Variants in OPCML observed in about 807,000 individuals in gnomAD.
OPCML encodes opioid-binding protein/cell adhesion molecule.
Under a neutral mutation model 37.8 loss-of-function variants are expected in OPCML, and 13 were observed. The ratio of observed to expected loss-of-function variants is 0.34; its 90% confidence interval spans 0.22 to 0.55. The LOEUF (loss-of-function observed/expected upper bound fraction) is 0.55. Among genes scored for constraint, OPCML ranks in the 20% least tolerant of loss-of-function variants. The probability of loss-of-function intolerance (pLI) is 0.91; values close to 1 mark genes in which losing one functional copy is unlikely to be tolerated. For synonymous variants in OPCML, 176 were observed against 168.8 expected (o/e 1.04, Z -0.33); for missense variants, 341 against 435.6 (o/e 0.78, Z 1.93).
intron 2 of OPCML, among the ~76,000 whole-genome samples, chr11:132,864,062 C>T (rs922544254): frequency 2.6e-5 from 4 of 152,084 alleles, no homozygotes; most frequent in Admixed American, 2.6e-4. Context: ...CTCAGCTTCC[C>T]GAGTAGCTGG....
chr11:133,034,322 T>TGTGTGTGC lies in OPCML; in HGVS notation c.62-91313_62-91312insGCACACAC, dbSNP rs1440439892. Among the ~76,000 whole-genome samples, 3 of 151,516 alleles carry TGTGTGTGC rather than the reference T, an allele frequency of 2.0e-5. No individual in the cohort carries two copies. In the East Asian group the frequency reaches 5.8e-4, roughly 29 times the overall value. ...CTGTATGTATAGGTGTGTGTGTGTGTGTGTGTGTGTGTGTGTGTGACAGAC... is the reference window on the plus strand; with the variant it reads ...CTGTATGTATAGGTGTGTGTGTGTGTGTGTGTGCGTGTGTGTGTGTGTGTGTGACAGAC... On this transcript the variant is annotated intron_variant, in intron 1 of 7. Coordinates refer to ENST00000524381, the MANE Select transcript of OPCML (RefSeq NM_001012393.5).
rs1250278319 is a variant in OPCML, at chr11:133,006,524, C to T, written c.62-63514G>A. On this transcript the variant is annotated intron_variant, in intron 1 of 7. Coordinates refer to ENST00000524381, the MANE Select transcript of OPCML (RefSeq NM_001012393.5). ...ATCATAACTTGTTTTTCAGTTACCC[C>T]AATTGTAACTAATAACTCGGGAACT... 11 of 985,208 alleles carry T rather than the reference C, an allele frequency of 1.1e-5. No individual in the cohort carries two copies. The South Asian group carries it at 3.8e-4, about 34-fold the overall frequency. The allele number at this position is 985,208 out of a possible 1,614,324, so 61.0% of individuals were successfully genotyped here. A position where few individuals can be genotyped will look rare whatever the true frequency, so the allele number is the denominator to read the frequency against.
At chr11:133,499,829 T>A in intron 1 of OPCML, among the ~76,000 whole-genome samples, 1 of 141,756 alleles carries the variant, frequency 7.1e-6, no homozygotes, top group South Asian at 2.1e-4. Context: ...TACACACATA[T>A]ATATGTGTAT....
intron 1 of OPCML, among the ~76,000 whole-genome samples, chr11:133,335,091 T>C (rs1373773152): frequency 6.6e-6 from 1 of 152,228 alleles, no homozygotes; most frequent in African/African-American, 2.4e-5. Flanking sequence ...CCCTGAACTT[T>C]GCTCTCTACA....
rs1462133566 is a variant in OPCML, at chr11:132,561,461, C to T, written c.380-32275G>A. ...GCTCTGCTCCCACATGTGCCCCTGA[C>T]ACCATGTTTGTCTGCCATCCCCACT... On this transcript the variant is annotated intron_variant, in intron 3 of 7. Transcript: ENST00000524381. 2.6e-5 allele frequency among the ~76,000 whole-genome samples: 4 copies of T among 152,208 alleles called. No individual in the cohort carries two copies. The South Asian group carries it at 6.2e-4, about 24-fold the overall frequency.
chr11:133,288,723 G>GT (rs1286889759), intron 1 of OPCML, among the ~76,000 whole-genome samples: 2 of 152,132 alleles, frequency 1.3e-5, no homozygotes, highest in Non-Finnish European at 2.9e-5. Context: ...GGTTTTGTTT[G>GT]TTTGTTTTTG....
At chr11:132,992,414 T>C (rs1946799675) in intron 1 of OPCML, among the ~76,000 whole-genome samples, 1 of 152,198 alleles carries the variant, frequency 6.6e-6, no homozygotes, top group Non-Finnish European at 1.5e-5. Context: ...GTCTCCATTT[T>C]TATTCATTGA....
chr11:132,517,057 C>T (rs2096281590), intron 4 of OPCML, among the ~76,000 whole-genome samples: 1 of 152,122 alleles, frequency 6.6e-6, no homozygotes, highest in African/African-American at 2.4e-5. Context: ...GCTGGTTAGG[C>T]CCCAGTCACC....
chr11:133,171,574 CCCACA>C (rs1950289323), intron 1 of OPCML, among the ~76,000 whole-genome samples: 2 of 152,186 alleles, frequency 1.3e-5, no homozygotes, highest in South Asian at 4.1e-4. Context: ...AAATCAATAT[CCCACA>C]GGAAGCCAGC....
intron 1 of OPCML, among the ~76,000 whole-genome samples, chr11:133,140,973 A>AGACGAAGAC (rs1565468798): frequency 3.3e-4 from 1 of 3,058 alleles, no homozygotes; most frequent in African/African-American, 5.6e-4. Flanking sequence ...AAGAAGAAGA[A>AGACGAAGAC]GAAGAAGAAG....
At chr11:132,506,212 T>C (rs566006197) in intron 4 of OPCML, among the ~76,000 whole-genome samples, 1 of 152,322 alleles carries the variant, frequency 6.6e-6, no homozygotes, top group African/African-American at 2.4e-5. Context: ...AAAATCTTCA[T>C]AGGTAAACAC....
At chr11:133,363,871 A>G (rs1226720330) in intron 1 of OPCML, among the ~76,000 whole-genome samples, 1 of 152,192 alleles carries the variant, frequency 6.6e-6, no homozygotes, top group Non-Finnish European at 1.5e-5. Flanking sequence ...CATGGTACCC[A>G]AGAACCTACT....
intron 4 of OPCML, among the ~76,000 whole-genome samples, chr11:132,502,175 C>T (rs938677015): frequency 3.3e-5 from 5 of 152,170 alleles, no homozygotes; most frequent in African/African-American, 4.8e-5. Context: ...TCTGCTGACA[C>T]GGGCAGTTTC....
chr11:133,207,236 C>T (rs1592104112), intron 1 of OPCML, among the ~76,000 whole-genome samples: 1 of 151,694 alleles, frequency 6.6e-6, no homozygotes, highest in Non-Finnish European at 1.5e-5. Flanking sequence ...GGAGGCGGAG[C>T]TTGTAGTGAG....
chr11:132,473,671 T>C (rs1028538691), intron 4 of OPCML, among the ~76,000 whole-genome samples: 9 of 152,010 alleles, frequency 5.9e-5, no homozygotes, highest in African/African-American at 2.2e-4. Flanking sequence ...ACAAAAAATT[T>C]TTAAAATAGT....
At chr11:133,023,450 T>C (rs576612962) in intron 1 of OPCML, among the ~76,000 whole-genome samples, 130 of 152,260 alleles carry the variant, frequency 8.5e-4, no homozygotes, top group African/African-American at 3.1e-3. Flanking sequence ...AGAATGTAGA[T>C]GAACAAAGGG....
At chr11:133,169,236 A>G (rs971351662) in intron 1 of OPCML, among the ~76,000 whole-genome samples, 4 of 152,228 alleles carry the variant, frequency 2.6e-5, no homozygotes, top group African/African-American at 9.6e-5. Context: ...CCAATATCGT[A>G]CAGCTGGAAA....
rs554875776 is a variant in OPCML, at chr11:133,133,986, G to C, written c.62-190976C>G. Among the ~76,000 whole-genome samples the C allele has an allele frequency of 1.2e-4, 18 of 152,128 alleles. No individual in the cohort carries two copies. The South Asian group carries it at 3.5e-3, about 30-fold the overall frequency. On this transcript the variant is annotated intron_variant, in intron 1 of 7. Coordinates refer to ENST00000524381, the MANE Select transcript of OPCML (RefSeq NM_001012393.5). ...CACCTTACTAACCATTAATGAATACGCATACACAGAATATGAGATCGCTCC... is the reference window on the plus strand; with the variant it reads ...CACCTTACTAACCATTAATGAATACCCATACACAGAATATGAGATCGCTCC...
intron 2 of OPCML, among the ~76,000 whole-genome samples, chr11:132,767,434 C>G (rs1445130580): frequency 2.6e-5 from 4 of 152,160 alleles, no homozygotes; most frequent in Non-Finnish European, 5.9e-5. Flanking sequence ...AACCATGAGT[C>G]CACCTGAAGC....
Sources: gnomAD v4.1 joint callset for allele counts (sites outside exome capture counted in the v4.1 genomes callset) on GRCh38, gnomAD v4.1.1 for gene constraint, MANE v1.5 for transcripts, NCBI Gene and HGNC (gene_info 2026-07-23, HGNC 2026-07-21) for gene names.